LINGO2: variants seen among roughly 807,000 people sequenced by gnomAD.
LINGO2 encodes leucine-rich repeat and immunoglobulin-like domain-containing nogo receptor-interacting protein 2.
A neutral mutation model predicts 30.6 loss-of-function variants in LINGO2; 14 were observed. That is an observed-to-expected ratio of 0.46 (90% CI 0.30 to 0.72). The LOEUF (loss-of-function observed/expected upper bound fraction) is 0.72. Ranked by LOEUF, LINGO2 falls within the 30% of genes least tolerant of loss-of-function variation. The pLI is 0.07. For synonymous variants in LINGO2, 317 were observed against 288.5 expected, an observed-to-expected ratio of 1.10 and a Z score of -1.00; for missense variants, 729 against 751.7, an observed-to-expected ratio of 0.97 and a Z score of 0.35.
chr9:28,089,576 G>T (rs576588780), intron 4 of LINGO2, among the ~76,000 whole-genome samples: 1 of 152,240 alleles, frequency 6.6e-6, no homozygotes, highest in Admixed American at 6.5e-5. Flanking sequence ...TGTGTAGAGG[G>T]AAATTTATAG....
chr9:28,806,279 A>C, the LINGO2 span, among the ~76,000 whole-genome samples: 1 of 152,220 alleles, frequency 6.6e-6, no homozygotes, highest in Non-Finnish European at 1.5e-5. Context: ...GCATTTAAAA[A>C]TAAACCACAA....
chr9:28,494,666 C>T (rs1019056087), intron 1 of LINGO2, among the ~76,000 whole-genome samples: 4 of 152,048 alleles, frequency 2.6e-5, no homozygotes, highest in Admixed American at 6.6e-5. Context: ...TGAATAGTGC[C>T]GCAATAAACA....
Position 28,506,399 on chromosome 9 carries a change from CATATATATATATATATATAT to C in LINGO2, c.-364-30394_-364-30375del, listed in dbSNP as rs371821368. ...TAGTTTTAATTGAGGGCTTCTTAGA[CATATATATATATATATATAT>C]ATACACACACACACACACACACACA... On this transcript the variant is annotated intron_variant, in intron 1 of 5. Coordinates refer to ENST00000379992, the Ensembl canonical transcript of LINGO2. 6.1e-4 allele frequency among the ~76,000 whole-genome samples: 16 copies of C among 26,154 alleles called. 1 individual carries two copies. The highest frequency in any genetic ancestry group is 1.2e-3 in the African/African-American group (16 of 13,056). The allele number at this position is 26,154 out of a possible 152,430, so 17.2% of individuals were successfully genotyped here. A position where few individuals can be genotyped will look rare whatever the true frequency, so the allele number is the denominator to read the frequency against.
intron 1 of LINGO2, among the ~76,000 whole-genome samples, chr9:28,528,301 G>A (rs1256246665): frequency 6.6e-6 from 1 of 152,174 alleles, no homozygotes; most frequent in Admixed American, 6.5e-5. Flanking sequence ...ATTCAGAACT[G>A]GGGTAGTTGT....
chr9:28,760,914 ACGTGTG>A, the LINGO2 span, among the ~76,000 whole-genome samples: 3 of 36,974 alleles, frequency 8.1e-5, no homozygotes, highest in East Asian at 2.2e-3. Context: ...GTATATACGT[ACGTGTG>A]TGTGTGTGTG....
At chr9:28,710,156 C>T in the LINGO2 span, among the ~76,000 whole-genome samples, 1 of 151,206 alleles carries the variant, frequency 6.6e-6, no homozygotes, top group Non-Finnish European at 1.5e-5. Flanking sequence ...AAGTGCTAGA[C>T]CCTCATGAGT....
chr9:28,169,936 G>A (rs1304122072), intron 4 of LINGO2, among the ~76,000 whole-genome samples: 1 of 152,024 alleles, frequency 6.6e-6, no homozygotes, highest in African/African-American at 2.4e-5. Flanking sequence ...TCTAGTCATG[G>A]TATTTAAGGT....
At chr9:28,493,589 CAAAT>C (rs886186969) in intron 1 of LINGO2, among the ~76,000 whole-genome samples, 7 of 152,184 alleles carry the variant, frequency 4.6e-5, no homozygotes, top group African/African-American at 1.2e-4. Flanking sequence ...ATGAAACAAA[CAAAT>C]ATATAACAAA....
At chr9:28,598,423 A>C (rs970045588) in intron 1 of LINGO2, among the ~76,000 whole-genome samples, 1 of 131,190 alleles carries the variant, frequency 7.6e-6, no homozygotes, top group Admixed American at 9.9e-5. Context: ...CATATCAAAA[A>C]AAAAAAAAAA....
intron 4 of LINGO2, among the ~76,000 whole-genome samples, chr9:28,128,048 C>G (rs149276534): frequency 2.6e-5 from 4 of 152,312 alleles, no homozygotes; most frequent in Admixed American, 1.3e-4. Flanking sequence ...CATGTGGAAT[C>G]TGTTAGTTAG....
At chr9:28,207,335 G>T (rs890461041) in intron 4 of LINGO2, among the ~76,000 whole-genome samples, 1 of 151,924 alleles carries the variant, frequency 6.6e-6, no homozygotes, top group Non-Finnish European at 1.5e-5. Flanking sequence ...ATATCATTTA[G>T]GATTCTTAAA....
chr9:28,387,479 C>T (rs575933877), intron 2 of LINGO2, among the ~76,000 whole-genome samples: 2 of 152,314 alleles, frequency 1.3e-5, no homozygotes, highest in African/African-American at 4.8e-5. Flanking sequence ...GCAGCAGCAA[C>T]CTCCTGGGGG....
At chr9:28,034,324 T>C (rs1823828333) in intron 4 of LINGO2, among the ~76,000 whole-genome samples, 2 of 152,236 alleles carry the variant, frequency 1.3e-5, no homozygotes, top group Non-Finnish European at 2.9e-5. Flanking sequence ...GGAATTCTGC[T>C]TTGTGATCTT....
rs555384037 is a variant in LINGO2 at position 28,659,469 on chromosome 9, T to G, written c.-365+10731A>C. Among the ~76,000 whole-genome samples, 12 of 151,974 alleles carry G rather than the reference T, an allele frequency of 7.9e-5. No individual in the cohort carries two copies. The South Asian group carries it at 2.5e-3, about 32-fold the overall frequency. On this transcript the variant is annotated intron_variant, in intron 1 of 5. Coordinates refer to ENST00000379992, the Ensembl canonical transcript of LINGO2. Reference sequence around the variant, plus strand: ...TTTTCCTTTTTTATCTTTTTTTTTTTCTTTGAGACAAAATCTCACTCAGGC... The same window carrying G: ...TTTTCCTTTTTTATCTTTTTTTTTTGCTTTGAGACAAAATCTCACTCAGGC...
intron 2 of LINGO2, among the ~76,000 whole-genome samples, chr9:28,458,739 C>T (rs139323875): frequency 6.6e-5 from 10 of 152,182 alleles, no homozygotes; most frequent in African/African-American, 2.4e-4. Context: ...TCTCATTCTC[C>T]CATATCCTAC....
At chr9:28,036,960 A>C (rs1051825254) in intron 4 of LINGO2, among the ~76,000 whole-genome samples, 2 of 152,228 alleles carry the variant, frequency 1.3e-5, no homozygotes, top group African/African-American at 4.8e-5. Context: ...TTGGGTGTTT[A>C]AGTGAGACAA....
At chr9:28,977,656 C>A in the LINGO2 span, among the ~76,000 whole-genome samples, 1 of 152,174 alleles carries the variant, frequency 6.6e-6, no homozygotes, top group South Asian at 2.1e-4. Flanking sequence ...TATAAGTATA[C>A]ATCACTGTAT....
At chr9:29,055,662 C>G in the LINGO2 span, among the ~76,000 whole-genome samples, 1 of 151,990 alleles carries the variant, frequency 6.6e-6, no homozygotes, top group African/African-American at 2.4e-5. Context: ...GTGCACCCAC[C>G]ACCCAAGCAG....
intron 3 of LINGO2, among the ~76,000 whole-genome samples, chr9:28,368,161 C>T (rs1820750585): frequency 1.3e-5 from 2 of 152,046 alleles, no homozygotes; most frequent in South Asian, 2.1e-4. Flanking sequence ...TTCTATTACA[C>T]CCTGCATTGT....
Sources: gnomAD v4.1 joint callset for allele counts (sites outside exome capture counted in the v4.1 genomes callset) on GRCh38, gnomAD v4.1.1 for gene constraint, MANE v1.5 for transcripts, NCBI Gene and HGNC (gene_info 2026-07-23, HGNC 2026-07-21) for gene names.